Variants in EPHX1 observed in about 807,000 individuals in gnomAD.
The protein encoded by EPHX1 is epoxide hydrolase 1.
Under a neutral mutation model 43.2 loss-of-function variants are expected in EPHX1, and 40 were observed. The ratio of observed to expected loss-of-function variants is 0.93; its 90% confidence interval spans 0.72 to 1.21. EPHX1 has a LOEUF of 1.21. EPHX1 is among the 50% of genes most tolerant of loss of function. The pLI, the probability that EPHX1 is intolerant of heterozygous loss-of-function variation, is 0.00. For synonymous variants in EPHX1, 221 were observed against 226.7 expected, an observed-to-expected ratio of 0.98 and a Z score of 0.22; for missense variants, 550 against 570.4, an observed-to-expected ratio of 0.96 and a Z score of 0.36.
chr1:225,830,107 A>G (rs927356309), intron 2 of EPHX1, among the ~76,000 whole-genome samples: 19 of 152,184 alleles, frequency 1.2e-4, no homozygotes, highest in Admixed American at 1.0e-3. Context: ...ATAAGGATAA[A>G]TGTCACAAAA....
chr1:225,841,543 C>CA (rs1171360090), intron 6 of EPHX1, among the ~76,000 whole-genome samples: 2 of 151,056 alleles, frequency 1.3e-5, no homozygotes, highest in Non-Finnish European at 2.9e-5. Context: ...CTCGGCCTCC[C>CA]AAAGTGCTGG....
intron 1 of EPHX1, among the ~76,000 whole-genome samples, chr1:225,828,517 CATAT>C (rs45437093): frequency 6.7e-6 from 1 of 148,296 alleles, no homozygotes; most frequent in Non-Finnish European, 1.5e-5. Flanking sequence ...TTTTCTAGAT[CATAT>C]ATATATAATA....
At chr1:225,830,736 A>G (rs1350078660) in intron 2 of EPHX1, among the ~76,000 whole-genome samples, 11 of 152,174 alleles carry the variant, frequency 7.2e-5, no homozygotes, top group Non-Finnish European at 1.5e-5. Context: ...AAGCACTGGG[A>G]TTACAGGCGT....
In EPHX1 at chr1:225,825,922, G is replaced by C. The variant is rs896232177; in HGVS notation, c.-5-2803G>C. Reference sequence around the variant, plus strand: ...CCTAGTCCTGCTTTCAATACCGCAGGGGCTTTTAGCTGACTTTTCTCCATC... The same window carrying C: ...CCTAGTCCTGCTTTCAATACCGCAGCGGCTTTTAGCTGACTTTTCTCCATC... On this transcript the variant is annotated intron_variant, in intron 1 of 8. Transcript: ENST00000272167. Among the ~76,000 whole-genome samples, 11 of 152,312 alleles carry C rather than the reference G, an allele frequency of 7.2e-5. No individual in the cohort carries two copies. The South Asian group carries it at 2.3e-3, about 32-fold the overall frequency.
chr1:225,840,441 AG>A, intron 6 of EPHX1, among the ~76,000 whole-genome samples: 1 of 152,150 alleles, frequency 6.6e-6, no homozygotes, highest in East Asian at 1.9e-4. Context: ...GCAGTGAGGG[AG>A]GGCCCAGCAA....
chr1:225,834,501 G>C (rs184655521), intron 3 of EPHX1, among the ~76,000 whole-genome samples: 1 of 151,372 alleles, frequency 6.6e-6, no homozygotes, highest in Non-Finnish European at 1.5e-5. Flanking sequence ...CCAGGCCTGT[G>C]GGAGAATGAG....
intron 1 of EPHX1, among the ~76,000 whole-genome samples, chr1:225,824,626 T>G (rs1167630383): frequency 1.3e-5 from 2 of 152,212 alleles, no homozygotes; most frequent in African/African-American, 4.8e-5. Context: ...AAGCAAAGGT[T>G]TGAGGCTCAG....
At chr1:225,834,151 AAT>A (rs1239317291) in intron 3 of EPHX1, among the ~76,000 whole-genome samples, 1 of 148,796 alleles carries the variant, frequency 6.7e-6, no homozygotes, top group Non-Finnish European at 1.5e-5. Flanking sequence ...TCACACCTGT[AAT>A]CCTAGCACTG....
chr1:225,832,514 T>C (rs1199361486), intron 3 of EPHX1, among the ~76,000 whole-genome samples: 1 of 152,210 alleles, frequency 6.6e-6, no homozygotes, highest in Non-Finnish European at 1.5e-5. Context: ...CAGCCTGGGC[T>C]CCATCTCAAA....
chr1:225,817,433 G>A lies in EPHX1; in HGVS notation c.-6+7264G>A, dbSNP rs968727048. Among the ~76,000 whole-genome samples, 21 of 152,216 alleles carry A rather than the reference G, an allele frequency of 1.4e-4. No individual in the cohort carries two copies. The highest frequency in any genetic ancestry group is 2.4e-4 in the African/African-American group (10 of 41,466). On this transcript the variant is annotated intron_variant, in intron 1 of 8. Transcript: ENST00000272167. The surrounding 1 kb of genome is among the most constrained non-coding windows in gnomAD (Gnocchi z 5.7). ...GCCAGGAATGGGAGGGAAGCCATCC[G>A]TTTTTCCCTTTCCACTGGATGTTCC...
intron 3 of EPHX1, among the ~76,000 whole-genome samples, chr1:225,838,129 AC>A (rs1361635525): frequency 6.6e-6 from 1 of 152,162 alleles, no homozygotes; most frequent in Admixed American, 6.5e-5. Flanking sequence ...ATTTGCTTTT[AC>A]CTCCCAGCAA....
chr1:225,831,630 G>A, intron 2 of EPHX1, 149 bp from the exon 3 acceptor site: 1 of 726,868 alleles, frequency 1.4e-6, no homozygotes, highest in Admixed American at 2.0e-5. Flanking sequence ...CGCTTTGGGA[G>A]TAGCCAGTGA....
rs559085794 is a variant in EPHX1, at chr1:225,811,064, G to A, written c.-6+895G>A. Among the ~76,000 whole-genome samples the A allele has an allele frequency of 8.1e-4, 124 of 152,232 alleles. 1 individual carries two copies. The highest frequency in any genetic ancestry group is 2.1e-3 in the Admixed American group (32 of 15,290). ...CCCGGCACCCCCTCGCTCTGGTCTC[G>A]GGATTGAAGGCCAGCCCTCTCCTCT... On this transcript the variant is annotated intron_variant, in intron 1 of 8. Coordinates refer to ENST00000272167, the MANE Select transcript of EPHX1 (RefSeq NM_001136018.4).
At chr1:225,811,891 G>A (rs1666501074) in intron 1 of EPHX1, among the ~76,000 whole-genome samples, 1 of 152,208 alleles carries the variant, frequency 6.6e-6, no homozygotes, top group Non-Finnish European at 1.5e-5. Flanking sequence ...GCAGTTCTAG[G>A]GGCAGAGGGA....
intron 1 of EPHX1, among the ~76,000 whole-genome samples, chr1:225,813,869 T>C (rs1666601606): frequency 6.6e-6 from 1 of 152,190 alleles, no homozygotes; most frequent in Non-Finnish European, 1.5e-5. Context: ...CTGAGCAAGC[T>C]TGCAGAAGAG....
At chr1:225,818,540 G>A (rs991784463) in intron 1 of EPHX1, among the ~76,000 whole-genome samples, 4 of 152,172 alleles carry the variant, frequency 2.6e-5, no homozygotes, top group African/African-American at 7.2e-5. Context: ...AGAGGGATTC[G>A]CCTTCATAAA....
At chr1:225,835,698 T>G (rs1667922104) in intron 3 of EPHX1, among the ~76,000 whole-genome samples, 1 of 149,390 alleles carries the variant, frequency 6.7e-6, no homozygotes, top group East Asian at 2.0e-4. Flanking sequence ...CTTTGTTTTT[T>G]CTTTCCTTTT....
intron 3 of EPHX1, among the ~76,000 whole-genome samples, chr1:225,837,372 T>C (rs1438994888): frequency 6.6e-6 from 1 of 152,246 alleles, no homozygotes; most frequent in East Asian, 1.9e-4. Flanking sequence ...CCCCAGGTGC[T>C]GTCCAGGGCA....
rs1198059240 is a variant in EPHX1 at position 225,845,417 on chromosome 1, C to A, written c.*70C>A. ...TCCAGGCTTTTCTTGGGGAAGATAC[C>A]CCTTTTCTGAGGAATGAGTTTGCCT... On this transcript the variant is annotated 3_prime_UTR_variant, in exon 9 of 9. Coordinates refer to ENST00000272167, the MANE Select transcript of EPHX1 (RefSeq NM_001136018.4). The A allele has an allele frequency of 6.7e-7, 1 of 1,488,154 alleles. No homozygotes were observed. The highest frequency in any genetic ancestry group is 2.5e-5 in the East Asian group (1 of 40,726). The allele number at this position is 1,488,154 out of a possible 1,614,324, so 92.2% of individuals were successfully genotyped here.
Sources: allele counts gnomAD v4.1 joint callset (sites outside exome capture counted in the v4.1 genomes callset), GRCh38; gene constraint gnomAD v4.1.1; non-coding constraint Gnocchi (gnomAD v3.1); transcripts MANE v1.5; gene names NCBI Gene and HGNC (gene_info 2026-07-23, HGNC 2026-07-21).